The following PLOD3 variants were observed in gnomAD, a reference collection of about 807,000 sequenced individuals.
The protein encoded by PLOD3 is procollagen-lysine,2-oxoglutarate 5-dioxygenase 3.
PLOD3 carries 73 observed loss-of-function variants against 96.9 expected under a neutral mutation model. That is an observed-to-expected ratio of 0.75 (90% CI 0.62 to 0.92). The LOEUF (loss-of-function observed/expected upper bound fraction) is 0.92. Ranked by LOEUF, PLOD3 falls within the 40% of genes least tolerant of loss-of-function variation. The probability of loss-of-function intolerance (pLI) is 0.00; values close to 1 mark genes in which losing one functional copy is unlikely to be tolerated. For synonymous variants in PLOD3, 454 were observed against 413.7 expected (o/e 1.10, Z -1.18); for missense variants, 1,004 against 1,004.3 (o/e 1.00, Z 0.00).
rs974682271 is a variant in PLOD3 at position 101,214,729 on chromosome 7, C to T, written c.679+360G>A. ...GCGCATGCCTGTAATCCCAGCTACT[C>T]GGGAGGCTGAGGCAGAAGAATCACT... On this transcript the variant is annotated intron_variant, in intron 6 of 18. Coordinates refer to ENST00000223127, the MANE Select transcript of PLOD3 (RefSeq NM_001084.5). Among the ~76,000 whole-genome samples the T allele has an allele frequency of 5.3e-5, 8 of 152,102 alleles. No homozygotes were observed. The East Asian group carries it at 1.6e-3, about 30-fold the overall frequency.
In PLOD3 at chr7:101,210,124, C is replaced by G. The variant is rs767074045; in HGVS notation, c.1652G>C (p.Arg551Pro). 2.5e-6 allele frequency: 4 copies of G among 1,606,054 alleles called. No homozygotes were observed. Among genetic ancestry groups the G allele is most frequent in the Non-Finnish European group, 3.4e-6 (4 of 1,176,500 alleles). The change falls in exon 15 of 19, where the codon CGG becomes CCG. Residue 551 changes from arginine (R) to proline (P), a missense_variant. Transcript: ENST00000223127. The part of the protein sequence containing the change: ...KEQYIHENYS[R>P]ALEGEGIVEQ... ...CACGATTCCTTCCCCTTCCAGGGCCCGGCTGTAGTTCTCGTGGATGTACTG... is the reference window on the plus strand; with the variant it reads ...CACGATTCCTTCCCCTTCCAGGGCCGGGCTGTAGTTCTCGTGGATGTACTG...
intron 6 of PLOD3, among the ~76,000 whole-genome samples, chr7:101,213,739 C>G (rs937810051): frequency 1.4e-4 from 22 of 152,104 alleles, no homozygotes; most frequent in African/African-American, 2.4e-4. Flanking sequence ...ACTCCCAACA[C>G]GCAGGCTGGA....
chr7:101,216,945 G>A, intron 1 of PLOD3, 159 bp from the exon 2 acceptor site: 1 of 744,352 alleles, frequency 1.3e-6, no homozygotes, highest in Non-Finnish European at 2.3e-6. Flanking sequence ...GGGCAGGGTG[G>A]GAGTGGTGCC....
At chr7:101,209,043 G>A (rs1798136561) in intron 15 of PLOD3, 86 bp from the exon 16 acceptor site, 1 of 962,682 alleles carries the variant, frequency 1.0e-6, no homozygotes, top group African/African-American at 1.6e-5. Context: ...GGAAGGGGCA[G>A]GGAGGAGCAG....
chr7:101,212,177 G>T, intron 10 of PLOD3, 76 bp downstream of exon 10: 2 of 1,576,152 alleles, frequency 1.3e-6, no homozygotes, highest in South Asian at 1.1e-5. Flanking sequence ...GTGAGGCAAG[G>T]GCCAGGCAGC....
chr7:101,217,269 G>T lies in PLOD3; in HGVS notation c.6C>A (p.Thr2=). The change falls in exon 1 of 19, where the codon ACC becomes ACA. Residue 2 remains threonine, a synonymous_variant. Coordinates refer to ENST00000223127, the MANE Select transcript of PLOD3 (RefSeq NM_001084.5). ...GGAACCGGGGTCCAGGCCCCGAGGA[G>T]GTCATGGTGGGGAGCGGGCCCAGAC... M[T]SSGPGPRFLL... is the part of the protein sequence containing the mutation. 6.7e-7 allele frequency: 1 copy of T among 1,482,670 alleles called. No individual in the cohort carries two copies. The highest frequency in any genetic ancestry group is 9.0e-7 in the Non-Finnish European group (1 of 1,117,144). The allele number at this position is 1,482,670 out of a possible 1,614,324, so 91.8% of individuals were successfully genotyped here.
chr7:101,211,928 C>T lies in PLOD3; in HGVS notation c.1150G>A (p.Glu384Lys), dbSNP rs760071769. Reference protein sequence around the residue: ...MAMDLCRQDPECEFYFSLDAD... With the variant: ...MAMDLCRQDPKCEFYFSLDAD... ...TCCAGGCTGAAGTAGAACTCACACT[C>T]GGGGTCCTGCCGACACAGGTCCCTG... The change falls in exon 11 of 19, where the codon GAG becomes AAG. Residue 384 changes from glutamate to lysine, a missense_variant. Transcript: ENST00000223127. 4.4e-6 allele frequency: 7 copies of T among 1,607,080 alleles called. No homozygotes were observed. Among genetic ancestry groups the T allele is most frequent in the South Asian group, 2.2e-5 (2 of 90,014 alleles).
chr7:101,210,886 G>C (rs1372876986), intron 12 of PLOD3: 2 of 574,980 alleles, frequency 3.5e-6, no homozygotes, highest in Non-Finnish European at 6.2e-6. Context: ...TTTGTTTCTT[G>C]TTTTTGGTTT....
Position 101,208,804 on chromosome 7 carries a change from G to A in PLOD3, c.1788+49C>T, listed in dbSNP as rs79700584. ...TTCCATTGTTTGTTTACCAGATCCT[G>A]CACCTCCTCCTCTGGGAAGGCCTCT... On this transcript the variant is annotated intron_variant, in intron 16 of 18. Coordinates refer to ENST00000223127, the MANE Select transcript of PLOD3 (RefSeq NM_001084.5). 9.5e-3 allele frequency: 11,418 copies of A among 1,206,550 alleles called. 217 individuals are homozygous for A. Among genetic ancestry groups the A allele is most frequent in the East Asian group, 0.079 (3,402 of 42,982 alleles). 74.7% of individuals were successfully genotyped at this position (1,206,550 alleles called of 1,614,324 possible).
intron 14 of PLOD3, 36 bp downstream of exon 14, chr7:101,210,295 G>T: frequency 1.3e-6 from 2 of 1,560,740 alleles, no homozygotes; most frequent in Non-Finnish European, 1.8e-6. Flanking sequence ...ACAAGGCGGG[G>T]AACCTGTGTG....
At chr7:101,208,765 T>C (rs1447539374) in intron 16 of PLOD3, 88 bp downstream of exon 16, 1 of 894,164 alleles carries the variant, frequency 1.1e-6, no homozygotes, top group African/African-American at 1.6e-5. Context: ...CCCTCTTTGC[T>C]CCCATTTTCC....
chr7:101,208,568 G>A (rs1207915987), intron 16 of PLOD3: 3 of 394,846 alleles, frequency 7.6e-6, no homozygotes, highest in South Asian at 2.1e-5. Context: ...TAAATTTTTT[G>A]TAGAGACAGG....
chr7:101,215,222 C>G (rs1798249267), intron 5 of PLOD3, 70 bp from the exon 6 acceptor site: 1 of 1,161,760 alleles, frequency 8.6e-7, no homozygotes, highest in Non-Finnish European at 1.3e-6. Context: ...TCTCACTTTT[C>G]TCTCTCTTTT....
Position 101,208,840 on chromosome 7 carries a change from C to A in PLOD3, c.1788+13G>T, listed in dbSNP as rs749872124. Reference sequence around the variant, plus strand: ...TCTGGGAAGGCCTCTGCCCTCCTCGCCCAGGCCCTTACCTCATGCCGGCCG... The same window carrying A: ...TCTGGGAAGGCCTCTGCCCTCCTCGACCAGGCCCTTACCTCATGCCGGCCG... On this transcript the variant is annotated intron_variant, in intron 16 of 18. Transcript: ENST00000223127. 9 of 1,570,340 alleles carry A rather than the reference C, an allele frequency of 5.7e-6. No homozygotes were observed. The South Asian group carries it at 1.0e-4, about 17-fold the overall frequency.
chr7:101,216,910 C>T, intron 1 of PLOD3, 124 bp from the exon 2 acceptor site: 1 of 799,872 alleles, frequency 1.3e-6, no homozygotes, highest in South Asian at 1.5e-5. Context: ...ACTCTTCTCA[C>T]CCAGGAACAC....
Position 101,212,856 on chromosome 7 carries a change from G to A in PLOD3, c.865C>T (p.Leu289Phe). 2 of 1,612,440 alleles carry A rather than the reference G, an allele frequency of 1.2e-6. No individual in the cohort carries two copies. Among genetic ancestry groups the A allele is most frequent in the Non-Finnish European group, 1.7e-6 (2 of 1,178,766 alleles). ...CGFCNQDRRT[L>F]PGGQPPPRVF... ...CCCCACCTCACCTGCCCCCCCGGGA[G>A]TGTCCTCCGGTCCTGGTTGCAGAAG... Residue 289 changes from leucine to phenylalanine, a missense_variant, in exon 8 of 19, where the codon CTC (leucine) becomes TTC (phenylalanine). Around this residue, in one of 5 missense-constraint regions of PLOD3, gnomAD observed 690 missense variants for 650.2 expected, o/e 1.06. Coordinates refer to ENST00000223127, the MANE Select transcript of PLOD3 (RefSeq NM_001084.5).
Position 101,213,219 on chromosome 7 carries a change from G to A in PLOD3, c.680-15C>T, listed in dbSNP as rs2116806386. ...AACCACTTCATCTGGGGAAGAAAAA[G>A]GCCAGGCTTCAGACCCCCTTTCTCT... On this transcript the variant is annotated splice_polypyrimidine_tract_variant and intron_variant, in intron 6 of 18. Coordinates refer to ENST00000223127, the MANE Select transcript of PLOD3 (RefSeq NM_001084.5). The A allele has an allele frequency of 1.9e-6, 3 of 1,576,542 alleles. No homozygotes were observed. Among genetic ancestry groups the A allele is most frequent in the Non-Finnish European group, 2.6e-6 (3 of 1,145,878 alleles).
At chr7:101,215,180 G>A (rs577683538) in intron 5 of PLOD3, 28 bp from the exon 6 acceptor site, 5 of 1,492,124 alleles carry the variant, frequency 3.4e-6, no homozygotes, top group African/African-American at 1.4e-5. Context: ...CGATGGAGTG[G>A]TTAAAATGGA....
At position 101,207,691 on chromosome 7, in the gene PLOD3, G is replaced by T; in HGVS notation, c.1822C>A (p.Pro608Thr). 6.2e-7 allele frequency: 1 copy of T among 1,613,882 alleles called. No individual in the cohort carries two copies. The highest frequency in any genetic ancestry group is 2.2e-5 in the East Asian group (1 of 44,840). ...TGCTTCATGTGGATGTCCACGGTGGGCACATTCTCGTAGCCTCCAGCCAGC... is the reference window on the plus strand; with the variant it reads ...TGCTTCATGTGGATGTCCACGGTGGTCACATTCTCGTAGCCTCCAGCCAGC... ...SRLAGGYENV[P>T]TVDIHMKQVG... Residue 608 changes from proline (P) to threonine (T), a missense_variant, in exon 17 of 19, where the codon CCC becomes ACC. By Grantham distance (38) the Pro-to-Thr change is conservative. Coordinates refer to ENST00000223127, the MANE Select transcript of PLOD3 (RefSeq NM_001084.5).
Sources: gnomAD v4.1 joint callset for allele counts (sites outside exome capture counted in the v4.1 genomes callset) on GRCh38, gnomAD v4.1.1 for gene constraint, gnomAD v4.1.1 regional missense constraint, MANE v1.5 for transcripts, NCBI Gene and HGNC (gene_info 2026-07-23, HGNC 2026-07-21) for gene names.